Variants in TMEM236 observed in about 807,000 individuals in gnomAD.
The protein encoded by TMEM236 is transmembrane protein 236.
A neutral mutation model predicts 14.7 loss-of-function variants in TMEM236; 11 were observed. The ratio of observed to expected loss-of-function variants is 0.75; its 90% CI spans 0.47 to 1.24. The LOEUF is 1.24. TMEM236 is among the 50% of genes most tolerant of loss of function. TMEM236 has a pLI of 0.00. For synonymous variants in TMEM236, 182 were observed against 168.6 expected, an observed-to-expected ratio of 1.08 and a Z score of -0.62; for missense variants, 464 against 427.3, an observed-to-expected ratio of 1.09 and a Z score of -0.76.
intron 3 of TMEM236, 30 bp from the exon 4 acceptor site, chr10:17,795,891 C>T: frequency 6.2e-7 from 1 of 1,605,482 alleles, no homozygotes; most frequent in Non-Finnish European, 8.5e-7. Context: ...ATTTTAAAAA[C>T]TAAAATGTAA....
chr10:17,783,300 G>T (rs1190156020), intron 3 of TMEM236, among the ~76,000 whole-genome samples: 5 of 152,324 alleles, frequency 3.3e-5, no homozygotes, highest in Non-Finnish European at 7.3e-5. Context: ...GGGATCGTAT[G>T]TACTGTGCGG....
intron 1 of TMEM236, 97 bp from the exon 2 acceptor site, chr10:17,771,212 T>C (rs1340931875): frequency 9.1e-7 from 1 of 1,101,194 alleles, no homozygotes; most frequent in East Asian, 2.4e-5. Flanking sequence ...AGAAAAACTA[T>C]AGATGAATGG....
intron 2 of TMEM236, 90 bp from the exon 3 acceptor site, chr10:17,775,939 T>C: frequency 6.7e-7 from 1 of 1,488,984 alleles, no homozygotes; most frequent in Non-Finnish European, 9.3e-7. Flanking sequence ...GTAATTATAA[T>C]TAATTTAGTG....
At chr10:17,756,531 A>G (rs1837287008) in intron 1 of TMEM236, among the ~76,000 whole-genome samples, 1 of 152,106 alleles carries the variant, frequency 6.6e-6, no homozygotes. Context: ...CCTGACCTCA[A>G]GTGATCTGCC....
chr10:17,766,345 T>C (rs1837463727), intron 1 of TMEM236, among the ~76,000 whole-genome samples: 1 of 152,194 alleles, frequency 6.6e-6, no homozygotes, highest in South Asian at 2.1e-4. Flanking sequence ...AGGATCACCC[T>C]TCCTCCAGTT....
chr10:17,753,571 C>G (rs899374301), intron 1 of TMEM236, among the ~76,000 whole-genome samples: 2 of 152,162 alleles, frequency 1.3e-5, no homozygotes, highest in African/African-American at 2.4e-5. Flanking sequence ...CTGCAAAGGA[C>G]ATGATCTTGT....
rs1001118789 is a variant in TMEM236, at chr10:17,796,581, G to A, written c.*77G>A. 9.2e-5 allele frequency: 120 copies of A among 1,298,500 alleles called. No homozygotes were observed. Among genetic ancestry groups the A allele is most frequent in the Middle Eastern group, 5.5e-4 (3 of 5,406 alleles). The allele number at this position is 1,298,500 out of a possible 1,614,324, so 80.4% of individuals were successfully genotyped here. A position where few individuals can be genotyped will look rare whatever the true frequency, so the allele number is the denominator to read the frequency against. ...GTAATCCTTCTTTTTTTCTTGGGGC[G>A]TAGGTGTTTGCACTATAAAGGAAAT... On this transcript the variant is annotated 3_prime_UTR_variant, in exon 4 of 4. Coordinates refer to ENST00000377495, the MANE Select transcript of TMEM236 (RefSeq NM_001098844.3).
intron 2 of TMEM236, among the ~76,000 whole-genome samples, chr10:17,772,553 T>G (rs986086952): frequency 1.3e-5 from 2 of 152,246 alleles, no homozygotes; most frequent in African/African-American, 4.8e-5. Context: ...CTCTTTTTTA[T>G]GATGTCTCTT....
chr10:17,799,750 G>C lies in TMEM236; in HGVS notation c.*3246G>C, dbSNP rs1838067676. 6.6e-6 allele frequency: 1 copy of C among 152,510 alleles called. No individual in the cohort carries two copies. 9.4% of individuals were successfully genotyped at this position (152,510 alleles called of 1,614,324 possible). A position where few individuals can be genotyped will look rare whatever the true frequency, so the allele number is the denominator to read the frequency against. On this transcript the variant is annotated 3_prime_UTR_variant, in exon 4 of 4. Transcript: ENST00000377495. The stretch of plus-strand genomic sequence containing the variant: ...CTCCATATTAGAACTTAGCAACAGT[G>C]CTCAGATAAACTCAAAAGTATTACT...
Position 17,798,503 on chromosome 10 carries a change from C to T in TMEM236, c.*1999C>T. Reference sequence around the variant, plus strand: ...ACAGTGAGCTATGATCATGCCACTGCACTCCAGACTGGGCAACAGAGTGAC... The same window carrying T: ...ACAGTGAGCTATGATCATGCCACTGTACTCCAGACTGGGCAACAGAGTGAC... On this transcript the variant is annotated 3_prime_UTR_variant, in exon 4 of 4. Transcript: ENST00000377495. 3.8e-6 allele frequency: 2 copies of T among 526,694 alleles called. No individual in the cohort carries two copies. The highest frequency in any genetic ancestry group is 7.8e-6 in the Non-Finnish European group (2 of 256,714). 32.6% of individuals were successfully genotyped at this position (526,694 alleles called of 1,614,324 possible).
chr10:17,796,326 G>C lies in TMEM236; in HGVS notation c.878G>C (p.Ser293Thr). 1 of 1,613,872 alleles carries C rather than the reference G, an allele frequency of 6.2e-7. No individual in the cohort carries two copies. Among genetic ancestry groups the C allele is most frequent in the South Asian group, 1.1e-5 (1 of 91,072 alleles). ...TPQNPLLNSL[S>T]VLLQDLPFVF... ...CAAAACCCTCTTCTCAATTCCCTGA[G>C]CGTCCTGCTGCAAGATTTACCATTC... Residue 293 changes from serine to threonine, a missense_variant, in exon 4 of 4, where the codon AGC becomes ACC. Ser to Thr is a moderately conservative substitution (Grantham distance 58). Coordinates refer to ENST00000377495, the MANE Select transcript of TMEM236 (RefSeq NM_001098844.3).
intron 1 of TMEM236, among the ~76,000 whole-genome samples, chr10:17,769,430 T>C (rs1837530885): frequency 6.6e-6 from 1 of 152,096 alleles, no homozygotes; most frequent in East Asian, 1.9e-4. Flanking sequence ...CAGAATATAT[T>C]GTGGAGTCCT....
At chr10:17,754,298 A>C (rs895503140) in intron 1 of TMEM236, among the ~76,000 whole-genome samples, 1 of 152,126 alleles carries the variant, frequency 6.6e-6, no homozygotes, top group Non-Finnish European at 1.5e-5. Flanking sequence ...TTTTAAAACA[A>C]CTGGTTCCTT....
In TMEM236 at chr10:17,796,502, T is replaced by C; in HGVS notation, c.1054T>C (p.Ter352GlnextTer6). Reference protein sequence around the residue: ...IFSAFEMSPF* With the variant: ...IFSAFEMSPFQ Reference sequence around the variant, plus strand: ...TTCTGCCTTTGAAATGTCTCCATTTTAAAAAGGAAATGGGATCTAGTAAGG... The same window carrying C: ...TTCTGCCTTTGAAATGTCTCCATTTCAAAAAGGAAATGGGATCTAGTAAGG... Residue 352 changes from the stop codon to glutamine, a stop_lost, in exon 4 of 4, where the codon TAA becomes CAA. Transcript: ENST00000377495. 6.2e-7 allele frequency: 1 copy of C among 1,607,352 alleles called. No individual in the cohort carries two copies. Among genetic ancestry groups the C allele is most frequent in the Middle Eastern group, 1.7e-4 (1 of 6,048 alleles).
intron 2 of TMEM236, among the ~76,000 whole-genome samples, chr10:17,772,431 T>C (rs1837587640): frequency 6.6e-6 from 1 of 152,342 alleles, no homozygotes; most frequent in South Asian, 2.1e-4. Context: ...TCAAAGACCT[T>C]GTAAATCATT....
intron 3 of TMEM236, among the ~76,000 whole-genome samples, chr10:17,795,050 A>G (rs2131769724): frequency 6.6e-6 from 1 of 152,232 alleles, no homozygotes; most frequent in Admixed American, 6.5e-5. Flanking sequence ...AAACAAACAA[A>G]AAACAATGGA....
chr10:17,773,040 T>C (rs1488276843), intron 2 of TMEM236, among the ~76,000 whole-genome samples: 1 of 152,240 alleles, frequency 6.6e-6, no homozygotes, highest in African/African-American at 2.4e-5. Flanking sequence ...TTACATTTTA[T>C]GAAAAGATCA....
At chr10:17,783,967 T>C (rs1837795454) in intron 3 of TMEM236, among the ~76,000 whole-genome samples, 2 of 152,132 alleles carry the variant, frequency 1.3e-5, no homozygotes, top group South Asian at 4.1e-4. Flanking sequence ...TCCTGCTGAT[T>C]CATGAGTTCT....
Position 17,796,016 on chromosome 10 carries a change from C to G in TMEM236, c.568C>G (p.Gln190Glu), listed in dbSNP as rs1838006594. Reference sequence around the variant, plus strand: ...AAGTCCAGAAAACGCTGCATCTCCCCAGGCAACCAACAGCACCCAGGTGTC... The same window carrying G: ...AAGTCCAGAAAACGCTGCATCTCCCGAGGCAACCAACAGCACCCAGGTGTC... The part of the protein sequence containing the change: ...RQSPENAASP[Q>E]ATNSTQVSQP... Residue 190 changes from glutamine to glutamate, a missense_variant, in exon 4 of 4, where the codon CAG becomes GAG. Transcript: ENST00000377495. 6.2e-7 allele frequency: 1 copy of G among 1,613,798 alleles called. No homozygotes were observed. Among genetic ancestry groups the G allele is most frequent in the African/African-American group, 1.3e-5 (1 of 74,896 alleles).
Sources: allele counts gnomAD v4.1 joint callset (sites outside exome capture counted in the v4.1 genomes callset), GRCh38; gene constraint gnomAD v4.1.1; transcripts MANE v1.5; gene names NCBI Gene and HGNC (gene_info 2026-07-23, HGNC 2026-07-21).